RBFOX1: variants seen among roughly 807,000 people sequenced by gnomAD.
RBFOX1 encodes RNA binding fox-1 homolog 1.
In RBFOX1, 8 loss-of-function variants were observed where a neutral mutation model predicts 57.7. The ratio of observed to expected loss-of-function variants is 0.14; its 90% CI spans 0.08 to 0.25. The LOEUF (loss-of-function observed/expected upper bound fraction) is 0.25. Among genes scored for constraint, RBFOX1 ranks in the 10% least tolerant of loss-of-function variants. RBFOX1 has a pLI of 1.00. For missense variants in RBFOX1, 611 were observed against 548.5 expected (o/e 1.11, Z -1.14); for synonymous variants, 326 against 222.4 (o/e 1.47, Z -4.15).
intron 4 of RBFOX1, among the ~76,000 whole-genome samples, chr16:7,392,310 A>T (rs553915613): frequency 1.1e-4 from 16 of 152,224 alleles, no homozygotes; most frequent in African/African-American, 3.6e-4. Flanking sequence ...TTCCCTCCAG[A>T]TCACGTCCCA....
At chr16:7,683,203 T>A (rs1185823033) in intron 14 of RBFOX1, among the ~76,000 whole-genome samples, 1 of 147,408 alleles carries the variant, frequency 6.8e-6, no homozygotes, top group African/African-American at 2.5e-5. Context: ...GATAGTAGAG[T>A]CACCGTAATT....
chr16:6,031,773 C>T (rs1048847636), intron 1 of RBFOX1, among the ~76,000 whole-genome samples: 3 of 152,196 alleles, frequency 2.0e-5, no homozygotes, highest in African/African-American at 2.4e-5. Flanking sequence ...TTGCTGGGCA[C>T]GCTGCTTACA....
chr16:6,044,958 C>T (rs542158118), intron 1 of RBFOX1, among the ~76,000 whole-genome samples: 1 of 152,190 alleles, frequency 6.6e-6, no homozygotes, highest in African/African-American at 2.4e-5. Flanking sequence ...GTCAGTGGCT[C>T]TCACTATTGA....
chr16:7,456,639 G>T (rs2058566742), intron 4 of RBFOX1, among the ~76,000 whole-genome samples: 2 of 152,186 alleles, frequency 1.3e-5, no homozygotes, highest in South Asian at 4.1e-4. Flanking sequence ...ACCTTCACGT[G>T]CATTTTGCCT....
At chr16:7,147,366 A>C (rs573647625) in intron 4 of RBFOX1, among the ~76,000 whole-genome samples, 23 of 151,794 alleles carry the variant, frequency 1.5e-4, no homozygotes, top group African/African-American at 5.6e-4. Context: ...CAGGTCTGTT[A>C]CACAGGTAAA....
chr16:6,491,215 A>G (rs1213713943), intron 2 of RBFOX1, among the ~76,000 whole-genome samples: 4 of 151,604 alleles, frequency 2.6e-5, no homozygotes, highest in Non-Finnish European at 4.4e-5. Flanking sequence ...ATAGATATAT[A>G]GTTAAACTAT....
intron 1 of RBFOX1, among the ~76,000 whole-genome samples, chr16:5,408,505 G>A (rs931266551): frequency 2.0e-5 from 3 of 152,174 alleles, no homozygotes; most frequent in African/African-American, 7.2e-5. Context: ...CCCAGCCCAC[G>A]TCTGGTTTCT....
intron 4 of RBFOX1, among the ~76,000 whole-genome samples, chr16:7,371,786 A>C (rs2097571260): frequency 6.6e-6 from 1 of 152,314 alleles, no homozygotes; most frequent in African/African-American, 2.4e-5. Flanking sequence ...TATATGATAC[A>C]TACATGTGCA....
chr16:7,708,486 A>T (rs1341449738), intron 14 of RBFOX1, among the ~76,000 whole-genome samples: 2 of 140,034 alleles, frequency 1.4e-5, no homozygotes, highest in African/African-American at 4.9e-5. Context: ...ATCAAAACCA[A>T]ATCAGTCTGA....
intron 2 of RBFOX1, among the ~76,000 whole-genome samples, chr16:6,496,917 G>T (rs978287938): frequency 1.3e-5 from 2 of 152,022 alleles, no homozygotes; most frequent in Non-Finnish European, 2.9e-5. Flanking sequence ...CCGAGACTAC[G>T]CCATTGCACT....
At chr16:5,308,104 C>G (rs1393018228) in intron 1 of RBFOX1, among the ~76,000 whole-genome samples, 2 of 152,086 alleles carry the variant, frequency 1.3e-5, no homozygotes, top group Non-Finnish European at 2.9e-5. Flanking sequence ...TTTTGGGAGG[C>G]TGAGGTGGGC....
At chr16:6,417,071 G>A (rs1037221468) in intron 2 of RBFOX1, among the ~76,000 whole-genome samples, 1 of 151,982 alleles carries the variant, frequency 6.6e-6, no homozygotes, top group African/African-American at 2.4e-5. Flanking sequence ...AAGTACAATG[G>A]TGCAGTCTTG....
chr16:7,300,452 C>T (rs796335266), intron 4 of RBFOX1, among the ~76,000 whole-genome samples: 17 of 152,276 alleles, frequency 1.1e-4, no homozygotes, highest in African/African-American at 3.6e-4. Context: ...ACTATATTGT[C>T]GTCCACATTA....
intron 3 of RBFOX1, among the ~76,000 whole-genome samples, chr16:6,762,340 C>G (rs79741406): frequency 0.028 from 4,198 of 152,124 alleles, 83 homozygotes; most frequent in Non-Finnish European, 0.04. Context: ...TCAATGTTGG[C>G]TTTTTCAAAG....
rs932045192 is a variant in RBFOX1, at chr16:5,737,747, A to G, written c.319-129556A>G. Among the ~76,000 whole-genome samples the G allele has an allele frequency of 3.9e-5, 6 of 152,140 alleles. No homozygotes were observed. In the East Asian group the frequency reaches 9.7e-4, roughly 24 times the overall value. On this transcript the variant is annotated intron_variant, in intron 3 of 19. Coordinates refer to the RBFOX1 transcript ENST00000641259. ...GCTGCACAACTCTGTGAATTAACTA[A>G]AAACCCTGACTTGTACACTTTAAAT...
intron 3 of RBFOX1, among the ~76,000 whole-genome samples, chr16:5,794,482 C>A (rs1359878208): frequency 6.6e-6 from 1 of 151,690 alleles, no homozygotes; most frequent in African/African-American, 2.4e-5. Context: ...GAGGCACACT[C>A]ACCTTATGTG....
At chr16:7,022,623 C>T (rs2039644624) in intron 3 of RBFOX1, among the ~76,000 whole-genome samples, 2 of 152,172 alleles carry the variant, frequency 1.3e-5, no homozygotes, top group East Asian at 3.9e-4. Context: ...CCAAGCACTG[C>T]AGTAGGCTCT....
At chr16:6,718,940 G>T (rs1209108029) in intron 3 of RBFOX1, among the ~76,000 whole-genome samples, 2 of 151,934 alleles carry the variant, frequency 1.3e-5, no homozygotes, top group Non-Finnish European at 2.9e-5. Context: ...TCAGCTTGCT[G>T]CAGCTTCAAC....
Position 7,468,345 on chromosome 16 carries a change from C to A in RBFOX1, c.28-49802C>A, listed in dbSNP as rs2060905326. On this transcript the variant is annotated intron_variant, in intron 4 of 15. Transcript: ENST00000550418. Reference sequence around the variant, plus strand: ...ATAATTAAAACAATAAATTCTTCTCCCCTGCGTGTATCCCGATTAGATTGT... The same window carrying A: ...ATAATTAAAACAATAAATTCTTCTCACCTGCGTGTATCCCGATTAGATTGT... 1.3e-5 allele frequency among the ~76,000 whole-genome samples: 2 copies of A among 152,106 alleles called. 1 individual carries two copies. Among genetic ancestry groups the A allele is most frequent in the South Asian group, 4.1e-4 (2 of 4,824 alleles).
Sources: gnomAD v4.1 joint callset for allele counts (sites outside exome capture counted in the v4.1 genomes callset) on GRCh38, gnomAD v4.1.1 for gene constraint, MANE v1.5 for transcripts, NCBI Gene and HGNC (gene_info 2026-07-23, HGNC 2026-07-21) for gene names.